Variants in SPAG16 observed in about 807,000 individuals in gnomAD.
SPAG16 encodes sperm associated antigen 16.
Under a neutral mutation model 80.4 loss-of-function variants are expected in SPAG16, and 86 were observed. That is an observed-to-expected ratio of 1.07 (90% CI 0.90 to 1.28). The LOEUF is 1.28. Among genes scored for constraint, SPAG16 ranks in the 50% most tolerant of loss-of-function variants. The pLI is 0.00. For synonymous variants in SPAG16, 294 were observed against 265.9 expected (o/e 1.11, Z -1.03); for missense variants, 870 against 765.3 (o/e 1.14, Z -1.61).
rs531263145 is a variant in SPAG16, at chr2:213,986,055, C to A, written c.1401-27896C>A. Among the ~76,000 whole-genome samples, 19 of 152,108 alleles carry A rather than the reference C, an allele frequency of 1.2e-4. 1 individual carries two copies. In the South Asian group the frequency reaches 3.9e-3, roughly 32 times the overall value. ...ATGTAAATTAACCCAATGATTAATA[C>A]AAAGCAGGGAGTAGTAGACGCTTAA... On this transcript the variant is annotated intron_variant, in intron 12 of 15. Coordinates refer to ENST00000331683, the MANE Select transcript of SPAG16 (RefSeq NM_024532.5).
chr2:214,087,215 A>AT (rs984723821), intron 13 of SPAG16, among the ~76,000 whole-genome samples: 5 of 152,108 alleles, frequency 3.3e-5, no homozygotes, highest in South Asian at 2.1e-4. Context: ...TTAAATGCAG[A>AT]TTTTTTTGCT....
chr2:214,195,890 A>T (rs1395632994), intron 15 of SPAG16, among the ~76,000 whole-genome samples: 1 of 152,020 alleles, frequency 6.6e-6, no homozygotes, highest in Non-Finnish European at 1.5e-5. Flanking sequence ...AAGTCAAATA[A>T]ACAACTGCTA....
chr2:213,762,776 AT>A (rs1210843294), intron 10 of SPAG16, among the ~76,000 whole-genome samples: 2 of 152,190 alleles, frequency 1.3e-5, no homozygotes, highest in African/African-American at 2.4e-5. Flanking sequence ...GGCAGAGATA[AT>A]AAGTCGAACT....
chr2:214,351,252 C>G (rs1192462438), intron 15 of SPAG16, among the ~76,000 whole-genome samples: 1 of 152,024 alleles, frequency 6.6e-6, no homozygotes, highest in Non-Finnish European at 1.5e-5. Context: ...ATATGTGTAT[C>G]TGTGTGTGTG....
chr2:214,270,911 A>G (rs1458172835), intron 15 of SPAG16, among the ~76,000 whole-genome samples: 2 of 152,302 alleles, frequency 1.3e-5, no homozygotes, highest in East Asian at 1.9e-4. Context: ...CTTCTAAAAC[A>G]AAGTATAAGT....
intron 11 of SPAG16, among the ~76,000 whole-genome samples, chr2:213,923,403 G>A (rs1018783026): frequency 3.5e-4 from 53 of 152,012 alleles, no homozygotes; most frequent in African/African-American, 1.2e-3. Context: ...CTCTAGATCA[G>A]TCCAAACAGA....
chr2:214,387,697 A>G (rs562450597), intron 15 of SPAG16, among the ~76,000 whole-genome samples: 7 of 152,218 alleles, frequency 4.6e-5, no homozygotes, highest in Non-Finnish European at 1.0e-4. Flanking sequence ...ACTTACAATC[A>G]TGGTAGAAGG....
chr2:213,751,479 G>C (rs1448406570), intron 10 of SPAG16, among the ~76,000 whole-genome samples: 6 of 152,134 alleles, frequency 3.9e-5, no homozygotes, highest in African/African-American at 1.4e-4. Flanking sequence ...ACACTCATAG[G>C]CCTTAATAAT....
intron 12 of SPAG16, among the ~76,000 whole-genome samples, chr2:213,935,033 T>C (rs2078929081): frequency 6.6e-6 from 1 of 151,848 alleles, no homozygotes; most frequent in African/African-American, 2.4e-5. Flanking sequence ...AAACCCTGTC[T>C]CTACTGAAAA....
chr2:214,378,905 C>A (rs1312310594), intron 15 of SPAG16, among the ~76,000 whole-genome samples: 1 of 152,170 alleles, frequency 6.6e-6, no homozygotes, highest in Non-Finnish European at 1.5e-5. Flanking sequence ...ATGGAAGGAG[C>A]AGCAGCAGTT....
chr2:213,787,658 T>C (rs898120023), intron 10 of SPAG16, among the ~76,000 whole-genome samples: 7 of 152,086 alleles, frequency 4.6e-5, no homozygotes, highest in Non-Finnish European at 7.4e-5. Flanking sequence ...TTAAATTATA[T>C]GAACAATTCA....
At chr2:213,497,206 TAAG>T (rs1245791793) in intron 10 of SPAG16, among the ~76,000 whole-genome samples, 7 of 152,166 alleles carry the variant, frequency 4.6e-5, no homozygotes. Flanking sequence ...CATTAAATTT[TAAG>T]AAGAAAGGTG....
chr2:214,216,153 T>C (rs1233671381), intron 15 of SPAG16, among the ~76,000 whole-genome samples: 2 of 152,178 alleles, frequency 1.3e-5, no homozygotes, highest in African/African-American at 4.8e-5. Flanking sequence ...TGAATGGATA[T>C]TGATTGGGAT....
chr2:213,866,153 G>A (rs1415755133), intron 11 of SPAG16, among the ~76,000 whole-genome samples: 1 of 151,540 alleles, frequency 6.6e-6, no homozygotes, highest in Admixed American at 6.6e-5. Flanking sequence ...AAAAAAAAGT[G>A]TTAGAATAAA....
chr2:213,801,808 GA>G (rs1380918021), intron 10 of SPAG16, among the ~76,000 whole-genome samples: 2 of 152,178 alleles, frequency 1.3e-5, no homozygotes, highest in Non-Finnish European at 2.9e-5. Context: ...TCCAAGCTTG[GA>G]AAAATAACTA....
At chr2:213,465,538 G>A (rs1196443560) in intron 9 of SPAG16, among the ~76,000 whole-genome samples, 2 of 152,132 alleles carry the variant, frequency 1.3e-5, no homozygotes, top group Non-Finnish European at 2.9e-5. Flanking sequence ...AGGTGGCTGG[G>A]TTTAGGAGAG....
intron 10 of SPAG16, among the ~76,000 whole-genome samples, chr2:213,686,269 C>A (rs1234967835): frequency 6.6e-6 from 1 of 152,136 alleles, no homozygotes; most frequent in African/African-American, 2.4e-5. Context: ...TAGGTGCACA[C>A]CACCATGCCC....
chr2:213,346,055 C>T (rs1038318518), intron 6 of SPAG16, among the ~76,000 whole-genome samples: 1 of 151,914 alleles, frequency 6.6e-6, no homozygotes, highest in Non-Finnish European at 1.5e-5. Flanking sequence ...CTTTTATTTC[C>T]TTGAGCAGTG....
intron 15 of SPAG16, among the ~76,000 whole-genome samples, chr2:214,368,683 C>G (rs528256836): frequency 2.6e-5 from 4 of 152,018 alleles, no homozygotes; most frequent in Admixed American, 2.6e-4. Flanking sequence ...TTATCCTGAA[C>G]GAATGTAAAA....
Sources: gnomAD v4.1 joint callset for allele counts (sites outside exome capture counted in the v4.1 genomes callset) on GRCh38, gnomAD v4.1.1 for gene constraint, MANE v1.5 for transcripts, NCBI Gene and HGNC (gene_info 2026-07-23, HGNC 2026-07-21) for gene names.